ACTN2: variants seen among roughly 807,000 people sequenced by gnomAD.
ACTN2 encodes alpha-actinin-2.
In ACTN2, 39 loss-of-function variants were observed where a neutral mutation model predicts 113.8. That is an observed-to-expected ratio of 0.34 (90% CI 0.27 to 0.45). ACTN2 has a LOEUF of 0.45. Among genes scored for constraint, ACTN2 ranks in the 20% least tolerant of loss-of-function variants. The pLI is 1.00. For missense variants in ACTN2, 992 were observed against 1,177.9 expected, an observed-to-expected ratio of 0.84 and a Z score of 2.31; for synonymous variants, 429 against 444.1, an observed-to-expected ratio of 0.97 and a Z score of 0.43.
At chr1:236,749,293 A>T in intron 14 of ACTN2, 29 bp downstream of exon 14, 1 of 1,613,746 alleles carries the variant, frequency 6.2e-7, no homozygotes, top group Non-Finnish European at 8.5e-7. Context: ...TGTATGCCCT[A>T]TGCATTAGAA....
chr1:236,759,778 G>T lies in ACTN2; in HGVS notation c.2356G>T (p.Gly786Cys). 6.2e-7 allele frequency: 1 copy of T among 1,613,654 alleles called. No homozygotes were observed. ...TTTCAGAGCCTGCCTGATTTCCATGGGTTATGACCTGGTAAGACAGAAGTT... is the reference window on the plus strand; with the variant it reads ...TTTCAGAGCCTGCCTGATTTCCATGTGTTATGACCTGGTAAGACAGAAGTT... ...EDFRACLISMGYDLGEAEFAR... is the reference protein window; with the variant it reads ...EDFRACLISMCYDLGEAEFAR... The change falls in exon 19 of 21, where the codon GGT (glycine) becomes TGT (cysteine). Residue 786 changes from glycine (G) to cysteine (C), a missense_variant. Physicochemically the swap from Gly to Cys is radical, Grantham distance 159. Coordinates refer to ENST00000366578, the MANE Select transcript of ACTN2 (RefSeq NM_001103.4).
intron 1 of ACTN2, among the ~76,000 whole-genome samples, chr1:236,717,063 G>C (rs1658240585): frequency 2.3e-5 from 1 of 43,916 alleles, no homozygotes; most frequent in African/African-American, 8.6e-5. Flanking sequence ...TCGAACTCCT[G>C]ACCTCAAGTG....
At chr1:236,716,555 C>T (rs1305941772) in intron 1 of ACTN2, among the ~76,000 whole-genome samples, 1 of 152,170 alleles carries the variant, frequency 6.6e-6, no homozygotes, top group African/African-American at 2.4e-5. Context: ...GTTAATATGA[C>T]TGGACTGTGA....
chr1:236,698,433 A>T (rs1486176192), intron 1 of ACTN2, among the ~76,000 whole-genome samples: 3 of 152,216 alleles, frequency 2.0e-5, no homozygotes, highest in Non-Finnish European at 4.4e-5. Flanking sequence ...CCACTTAGAG[A>T]TTATGTGTAG....
Position 236,721,438 on chromosome 1 carries a change from T to C in ACTN2, c.448+1247T>C, listed in dbSNP as rs111300770. ...GCCCTTATGGACCTTCAAACTCACTTCAATTATTCCCTTCTGGCACCGGAG... is the reference window on the plus strand; with the variant it reads ...GCCCTTATGGACCTTCAAACTCACTCCAATTATTCCCTTCTGGCACCGGAG... On this transcript the variant is annotated intron_variant, in intron 4 of 20. Transcript: ENST00000366578. Among the ~76,000 whole-genome samples the C allele has an allele frequency of 4.1e-3, 618 of 152,246 alleles. 5 individuals are homozygous for C. Among genetic ancestry groups the C allele is most frequent in the African/African-American group, 0.014 (591 of 41,546 alleles).
At position 236,731,290 on chromosome 1, in the gene ACTN2, A is replaced by G; in HGVS notation, c.673A>G (p.Ile225Val). 1 of 1,613,838 alleles carries G rather than the reference A, an allele frequency of 6.2e-7. No individual in the cohort carries two copies. Among genetic ancestry groups the G allele is most frequent in the Non-Finnish European group, 8.5e-7 (1 of 1,179,718 alleles). ...AMEIAEKHLDIPKMLDAEDIV... is the reference protein window; with the variant it reads ...AMEIAEKHLDVPKMLDAEDIV... ...GGAAATCGCTGAGAAGCACCTGGAT[A>G]TTCCTAAAATGTTGGATGCTGAAGG... The change falls in exon 7 of 21, where the codon ATT becomes GTT. Residue 225 changes from isoleucine to valine, a missense_variant. Around this residue, in one of 3 missense-constraint regions of ACTN2, gnomAD observed 220 missense variants for 337.5 expected, o/e 0.65. Transcript: ENST00000366578.
rs1302931594 is a variant in ACTN2, at chr1:236,755,138, C to A, written c.2094C>A (p.Asp698Glu). Reference protein sequence around the residue: ...YKNNIDKLEGDHQLIQEALVF... With the variant: ...YKNNIDKLEGEHQLIQEALVF... ...ACAACATCGACAAGCTGGAGGGAGA[C>A]CATCAGCTCATCCAGGAGGCCCTTG... Residue 698 changes from aspartate to glutamate, a missense_variant, in exon 17 of 21, where the codon GAC becomes GAA. Asp to Glu is a conservative substitution (Grantham distance 45, BLOSUM62 2). Coordinates refer to ENST00000366578, the MANE Select transcript of ACTN2 (RefSeq NM_001103.4). 1.9e-6 allele frequency: 3 copies of A among 1,614,218 alleles called. No individual in the cohort carries two copies. The highest frequency in any genetic ancestry group is 4.5e-5 in the East Asian group (2 of 44,886).
At chr1:236,751,785 A>T in intron 15 of ACTN2, 133 bp downstream of exon 15, 2 of 1,078,524 alleles carry the variant, frequency 1.9e-6, no homozygotes, top group Admixed American at 4.0e-5. Flanking sequence ...CTTTATCCCA[A>T]ATTTCACAGG....
intron 1 of ACTN2, among the ~76,000 whole-genome samples, chr1:236,694,469 C>T (rs554937653): frequency 1.5e-4 from 23 of 151,952 alleles, no homozygotes; most frequent in Admixed American, 1.2e-3. Context: ...GTGATCCACC[C>T]GCCTCGACCT....
At chr1:236,743,083 G>A in intron 11 of ACTN2, 40 bp downstream of exon 11, 1 of 1,612,102 alleles carries the variant, frequency 6.2e-7, no homozygotes, top group South Asian at 1.1e-5. Context: ...TGAAAAACCA[G>A]AGTTGAGCCA....
chr1:236,716,191 C>T (rs1418070), intron 1 of ACTN2, among the ~76,000 whole-genome samples: 150,729 of 151,738 alleles, frequency 0.99, 74,870 homozygotes, highest in Middle Eastern at 1. Flanking sequence ...TCCTCTTTAT[C>T]ACCCAGGAAA....
At chr1:236,721,268 C>T (rs540381967) in intron 4 of ACTN2, among the ~76,000 whole-genome samples, 8 of 151,798 alleles carry the variant, frequency 5.3e-5, no homozygotes, top group East Asian at 3.9e-4. Context: ...GCTCGTGATC[C>T]GCCCGCCTCA....
Position 236,751,476 on chromosome 1 carries a change from A to G in ACTN2, c.1663A>G (p.Ile555Val), listed in dbSNP as rs1304039612. The G allele has an allele frequency of 1.2e-6, 2 of 1,613,946 alleles. No individual in the cohort carries two copies. The highest frequency in any genetic ancestry group is 2.2e-5 in the South Asian group (2 of 91,082). Residue 555 changes from isoleucine to valine, a missense_variant, in exon 15 of 21, where the codon ATC becomes GTC. Transcript: ENST00000366578. Reference protein sequence around the residue: ...VHSIEEIQSLITAHEQFKATL... With the variant: ...VHSIEEIQSLVTAHEQFKATL... ...ACTTGTGTCTCGGGTGTAGAGTCTG[A>G]TCACTGCGCATGAGCAGTTCAAGGC...
intron 7 of ACTN2, among the ~76,000 whole-genome samples, chr1:236,732,687 C>T (rs1007062452): frequency 6.6e-6 from 1 of 152,122 alleles, no homozygotes; most frequent in African/African-American, 2.4e-5. Flanking sequence ...AGGTGATCCA[C>T]CTACTTCGGC....
chr1:236,737,285 T>G (rs1658908328), intron 9 of ACTN2, 71 bp downstream of exon 9: 4 of 547,148 alleles, frequency 7.3e-6, no homozygotes, highest in Admixed American at 5.4e-5. Context: ...GGTGAAAAAA[T>G]ACTCCGTGGG....
chr1:236,728,665 G>C (rs915238936), intron 6 of ACTN2, among the ~76,000 whole-genome samples: 2 of 151,734 alleles, frequency 1.3e-5, no homozygotes, highest in Non-Finnish European at 2.9e-5. Context: ...TTAGAAAACT[G>C]CAATTCTGCC....
At chr1:236,691,932 A>G (rs3906614) in intron 1 of ACTN2, among the ~76,000 whole-genome samples, 1,665 of 152,374 alleles carry the variant, frequency 0.011, 11 homozygotes, top group Non-Finnish European at 0.016. Context: ...TGGATCCACG[A>G]AAAAGGGCCA....
intron 15 of ACTN2, among the ~76,000 whole-genome samples, chr1:236,752,592 C>A (rs543527729): frequency 6.6e-6 from 1 of 152,042 alleles, no homozygotes. Context: ...CACTCTGTTG[C>A]CCAGGCTAGA....
intron 1 of ACTN2, among the ~76,000 whole-genome samples, chr1:236,715,709 A>G (rs546345888): frequency 6.6e-6 from 1 of 152,200 alleles, no homozygotes; most frequent in Non-Finnish European, 1.5e-5. Flanking sequence ...TAATCCCAGC[A>G]CTTTGAGAGG....
Sources: allele counts gnomAD v4.1 joint callset (sites outside exome capture counted in the v4.1 genomes callset), GRCh38; gene constraint gnomAD v4.1.1; regional missense constraint gnomAD v4.1.1; transcripts MANE v1.5; gene names NCBI Gene and HGNC (gene_info 2026-07-23, HGNC 2026-07-21).